Variants in FRMPD3 observed in about 807,000 individuals in gnomAD.
FRMPD3 encodes FERM and PDZ domain containing 3.
FRMPD3 carries 42 observed loss-of-function variants against 97.9 expected under a neutral mutation model. The observed-to-expected ratio is 0.43, with a 90% CI of 0.34 to 0.55. FRMPD3 has a LOEUF of 0.55. FRMPD3 is among the 20% of genes least tolerant of loss of function. The pLI, the probability that FRMPD3 is intolerant of heterozygous loss-of-function variation, is 0.03. For synonymous variants in FRMPD3, 577 were observed against 581.1 expected (o/e 0.99, Z 0.10); for missense variants, 1,303 against 1,457.7 (o/e 0.89, Z 1.73).
intron 5 of FRMPD3, among the ~76,000 whole-genome samples, chrX:107,548,727 G>T (rs559290940): frequency 8.9e-6 from 1 of 112,361 alleles, no homozygotes. Flanking sequence ...GCCTGTAGTC[G>T]TAGCTATTTG....
chrX:107,516,024 C>T (rs183089932), intron 1 of FRMPD3, among the ~76,000 whole-genome samples: 1 of 68,226 alleles, frequency 1.5e-5, no homozygotes, highest in Non-Finnish European at 2.6e-5. Flanking sequence ...ATCCCTCCCC[C>T]CTCCCCCCAC....
chrX:107,501,724 G>A (rs941143979), intron 1 of FRMPD3, among the ~76,000 whole-genome samples: 1 of 105,976 alleles, frequency 9.4e-6, no homozygotes, highest in Non-Finnish European at 1.9e-5. Context: ...TGGGGACTCA[G>A]TTGGGGCCTC....
At chrX:107,540,661 G>T (rs746684160) in intron 4 of FRMPD3, among the ~76,000 whole-genome samples, 3 of 111,895 alleles carry the variant, frequency 2.7e-5, no homozygotes, top group Non-Finnish European at 3.8e-5. Context: ...ATTTTAGCCA[G>T]AAAGGGTGCC....
rs139760231 is a variant in FRMPD3, at chrX:107,476,176, C to T, written c.-8+26171C>T. Among the ~76,000 whole-genome samples the T allele has an allele frequency of 2.3e-3, 261 of 112,540 alleles. 1 individual carries two copies. The highest frequency in any genetic ancestry group is 8.0e-3 in the African/African-American group (248 of 31,016). ...CTGGGATTACAGGCGTGAGCCACCA[C>T]GCCCAGCCTGAAGTGGTGTTATTTT... is the stretch of plus-strand genomic sequence containing the variant. On this transcript the variant is annotated intron_variant, in intron 1 of 14. Transcript: ENST00000683843.
chrX:107,516,994 G>A (rs1019509866), intron 1 of FRMPD3, among the ~76,000 whole-genome samples: 4 of 111,690 alleles, frequency 3.6e-5, no homozygotes, highest in African/African-American at 1.3e-4. Flanking sequence ...TTCTTCTAGG[G>A]TTTTTATGGT....
chrX:107,570,330 C>T (rs1367584671), intron 12 of FRMPD3, among the ~76,000 whole-genome samples: 1 of 108,744 alleles, frequency 9.2e-6, no homozygotes, highest in Non-Finnish European at 1.9e-5. Flanking sequence ...AAGTTAGAAA[C>T]CAGACTTGGC....
chrX:107,515,044 T>A (rs901709354), intron 1 of FRMPD3, among the ~76,000 whole-genome samples: 1 of 111,964 alleles, frequency 8.9e-6, no homozygotes, highest in Non-Finnish European at 1.9e-5. Flanking sequence ...TTGGACATGA[T>A]AAGTTTGAGA....
chrX:107,561,691 C>G (rs985595186), intron 10 of FRMPD3, among the ~76,000 whole-genome samples: 1 of 112,682 alleles, frequency 8.9e-6, no homozygotes, highest in South Asian at 3.7e-4. Flanking sequence ...GGGACGCAAT[C>G]GCCCCATACA....
At chrX:107,534,637 A>C (rs1285011342) in intron 4 of FRMPD3, among the ~76,000 whole-genome samples, 1 of 111,411 alleles carries the variant, frequency 9.0e-6, no homozygotes, top group Admixed American at 9.5e-5. Flanking sequence ...CCCAGCTCCC[A>C]GACCTCTTCT....
At chrX:107,595,798 C>T (rs745734613) in intron 13 of FRMPD3, among the ~76,000 whole-genome samples, 1 of 109,562 alleles carries the variant, frequency 9.1e-6, no homozygotes, top group South Asian at 3.9e-4. Flanking sequence ...ATTAGTCGGG[C>T]GTGGTGGCAG....
chrX:107,489,394 C>A (rs1322927689), intron 1 of FRMPD3, among the ~76,000 whole-genome samples: 1 of 111,496 alleles, frequency 9.0e-6, no homozygotes, highest in Non-Finnish European at 1.9e-5. Flanking sequence ...AGTTCTAGAT[C>A]CCTGAGGAAT....
At chrX:107,570,315 C>T (rs923018247) in intron 12 of FRMPD3, among the ~76,000 whole-genome samples, 1 of 106,472 alleles carries the variant, frequency 9.4e-6, no homozygotes, top group Admixed American at 1.0e-4. Flanking sequence ...TAACAGGGGA[C>T]ATGGAAGTTA....
At chrX:107,576,286 C>G in intron 12 of FRMPD3, 29 bp from the exon 13 acceptor site, 2 of 1,203,441 alleles carry the variant, frequency 1.7e-6, no homozygotes, top group Non-Finnish European at 2.2e-6. Flanking sequence ...CTTCCCATGT[C>G]TTCATGTTTC....
chrX:107,587,040 A>G (rs1923683255), intron 13 of FRMPD3, among the ~76,000 whole-genome samples: 1 of 111,651 alleles, frequency 9.0e-6, no homozygotes, highest in Non-Finnish European at 1.9e-5. Flanking sequence ...TCTAATATTG[A>G]CAATGGGGTG....
chrX:107,549,000 A>C (rs932923561), intron 5 of FRMPD3, among the ~76,000 whole-genome samples: 4 of 112,438 alleles, frequency 3.6e-5, no homozygotes, highest in African/African-American at 1.3e-4. Flanking sequence ...TGAAGGATAA[A>C]TAGGAGTTTG....
chrX:107,508,143 A>C (rs1447026469), intron 1 of FRMPD3, among the ~76,000 whole-genome samples: 3 of 112,137 alleles, frequency 2.7e-5, no homozygotes, highest in Non-Finnish European at 5.6e-5. Flanking sequence ...GGGATCTCAA[A>C]ACAGTTTTAC....
chrX:107,526,583 C>G lies in FRMPD3; in HGVS notation c.-6C>G. 1 of 1,191,908 alleles carries G rather than the reference C, an allele frequency of 8.4e-7. No homozygotes were observed. Among genetic ancestry groups the G allele is most frequent in the Non-Finnish European group, 1.1e-6 (1 of 887,502 alleles). Reference sequence around the variant, plus strand: ...GCTCCCACCTTCCCTTTTCCCCAGTCATGTGATGCAGGAAGAGAGCGCAAA... The same window carrying G: ...GCTCCCACCTTCCCTTTTCCCCAGTGATGTGATGCAGGAAGAGAGCGCAAA... On this transcript the variant is annotated splice_region_variant and 5_prime_UTR_variant, in exon 2 of 15. Coordinates refer to ENST00000683843, the MANE Select transcript of FRMPD3 (RefSeq NM_001388459.1).
intron 14 of FRMPD3, among the ~76,000 whole-genome samples, chrX:107,599,593 C>G (rs1386661070): frequency 8.9e-6 from 1 of 112,176 alleles, no homozygotes; most frequent in East Asian, 2.8e-4. Context: ...AGAGAGAGAC[C>G]TCTCTTTGCC....
intron 1 of FRMPD3, among the ~76,000 whole-genome samples, chrX:107,486,150 C>T (rs989792277): frequency 4.5e-5 from 5 of 112,199 alleles, no homozygotes; most frequent in African/African-American, 6.5e-5. Flanking sequence ...GAGGAAGACA[C>T]GGTTGGATGT....
Sources: allele counts gnomAD v4.1 joint callset (sites outside exome capture counted in the v4.1 genomes callset), GRCh38; gene constraint gnomAD v4.1.1; transcripts MANE v1.5; gene names NCBI Gene and HGNC (gene_info 2026-07-23, HGNC 2026-07-21).